The following CTCF variants were observed in gnomAD, a reference collection of about 807,000 sequenced individuals.
CTCF encodes transcriptional repressor CTCF.
CTCF carries 7 observed loss-of-function variants against 72.3 expected under a neutral mutation model. The observed-to-expected ratio is 0.10, with a 90% CI of 0.06 to 0.18. The LOEUF is 0.18. CTCF is among the 10% of genes least tolerant of loss of function. The probability of loss-of-function intolerance (pLI) is 1.00; values close to 1 mark genes in which losing one functional copy is unlikely to be tolerated. For synonymous variants in CTCF, 374 were observed against 315.8 expected (o/e 1.18, Z -1.95); for missense variants, 516 against 949.1 (o/e 0.54, Z 6.00).
intron 6 of CTCF, 73 bp from the exon 7 acceptor site, chr16:67,621,369 C>A: frequency 1.7e-6 from 2 of 1,154,080 alleles, no homozygotes; most frequent in Non-Finnish European, 2.6e-6. Flanking sequence ...TATCTGCCAC[C>A]TGAGTTACCC....
intron 2 of CTCF, among the ~76,000 whole-genome samples, chr16:67,579,027 C>T (rs531670403): frequency 2.7e-5 from 4 of 149,710 alleles, no homozygotes; most frequent in African/African-American, 7.4e-5. Context: ...GGCCAAGGTG[C>T]GTGGATCACC....
chr16:67,628,301 A>G (rs1006587823), intron 8 of CTCF, 69 bp from the exon 9 acceptor site: 4 of 1,467,690 alleles, frequency 2.7e-6, no homozygotes, highest in South Asian at 2.4e-5. Context: ...GGCCACATGC[A>G]TGCAGGTGGC....
chr16:67,598,012 T>C (rs1385344055), intron 2 of CTCF, among the ~76,000 whole-genome samples: 1 of 152,158 alleles, frequency 6.6e-6, no homozygotes, highest in Non-Finnish European at 1.5e-5. Flanking sequence ...TGTCTCACTT[T>C]ATTGCCCAGG....
At chr16:67,586,743 A>G (rs899405796) in intron 2 of CTCF, among the ~76,000 whole-genome samples, 65 of 151,988 alleles carry the variant, frequency 4.3e-4, no homozygotes, top group African/African-American at 1.5e-3. Flanking sequence ...CTTCATAGCT[A>G]TTCAGTAATG....
Position 67,629,514 on chromosome 16 carries a change from A to G in CTCF, c.1818A>G (p.Lys606=), listed in dbSNP as rs751533979. 3.2e-5 allele frequency: 51 copies of G among 1,613,332 alleles called. No individual in the cohort carries two copies. Among genetic ancestry groups the G allele is most frequent in the South Asian group, 1.9e-4 (17 of 90,862 alleles). ...GAAAAAGAAAGATGCGCTCTAAGAAAGAAGATTCCTCTGACAGTGGTAAGT... is the reference window on the plus strand; with the variant it reads ...GAAAAAGAAAGATGCGCTCTAAGAAGGAAGATTCCTCTGACAGTGGTAAGT... ...RGRKRKMRSK[K]EDSSDSENAE... The change falls in exon 10 of 12, where the codon AAA becomes AAG. Residue 606 remains lysine, a synonymous_variant. Coordinates refer to ENST00000264010, the MANE Select transcript of CTCF (RefSeq NM_006565.4).
At chr16:67,571,543 G>A (rs1176848658) in intron 2 of CTCF, among the ~76,000 whole-genome samples, 1 of 152,150 alleles carries the variant, frequency 6.6e-6, no homozygotes, top group East Asian at 1.9e-4. Context: ...CCGTTAATGA[G>A]AATGTGTTTT....
chr16:67,632,060 C>A (rs139952023), intron 10 of CTCF, among the ~76,000 whole-genome samples: 4,379 of 143,592 alleles, frequency 0.03, 101 homozygotes, highest in South Asian at 0.055. Flanking sequence ...GGTAACAGAG[C>A]GAGACCCTGT....
intron 4 of CTCF, among the ~76,000 whole-genome samples, chr16:67,612,748 C>G (rs571376377): frequency 1.6e-4 from 24 of 151,514 alleles, no homozygotes; most frequent in Non-Finnish European, 3.5e-4. Context: ...GCCTGGCCAA[C>G]GTGACAAAAT....
chr16:67,625,924 A>G lies in CTCF; in HGVS notation c.1358-631A>G, dbSNP rs2052279409. ...ACCTGGTTTTCCAGGCCTGATACCTACTTTATTCTTCACTCTCTACAGTCA... is the reference window on the plus strand; with the variant it reads ...ACCTGGTTTTCCAGGCCTGATACCTGCTTTATTCTTCACTCTCTACAGTCA... On this transcript the variant is annotated intron_variant, in intron 7 of 11. Transcript: ENST00000264010. Among the ~76,000 whole-genome samples, 5 of 150,014 alleles carry G rather than the reference A, an allele frequency of 3.3e-5. No homozygotes were observed. The South Asian group carries it at 1.0e-3, about 31-fold the overall frequency.
rs1231938228 is a variant in CTCF, at chr16:67,597,424, C to T, written c.-9-13400C>T. On this transcript the variant is annotated intron_variant, in intron 2 of 11. Coordinates refer to ENST00000264010, the MANE Select transcript of CTCF (RefSeq NM_006565.4). ...GCGTGATCTTGACGCACTACAACCT[C>T]CACCTCCTGGGTTCAAGCAGTTGTC... 2.0e-5 allele frequency among the ~76,000 whole-genome samples: 3 copies of T among 152,078 alleles called. No homozygotes were observed. In the East Asian group the frequency reaches 5.8e-4, roughly 29 times the overall value.
At chr16:67,604,591 T>C (rs1697243957) in intron 2 of CTCF, among the ~76,000 whole-genome samples, 1 of 152,128 alleles carries the variant, frequency 6.6e-6, no homozygotes, top group Admixed American at 6.6e-5. Flanking sequence ...TCCACCTGCC[T>C]TGGCCTCCCA....
chr16:67,634,049 C>T (rs1233629896), intron 10 of CTCF, among the ~76,000 whole-genome samples: 1 of 152,192 alleles, frequency 6.6e-6, no homozygotes, highest in African/African-American at 2.4e-5. Flanking sequence ...CGATTTGCTT[C>T]ATTCTGCTGT....
In CTCF at chr16:67,624,071, A is replaced by ATGTGTGTGTGTG. The variant is rs58387336; in HGVS notation, c.1358-2450_1358-2439dup. Among the ~76,000 whole-genome samples, 294 of 117,566 alleles carry ATGTGTGTGTGTG rather than the reference A, an allele frequency of 2.5e-3. 1 individual carries two copies. The highest frequency in any genetic ancestry group is 4.1e-3 in the Admixed American group (42 of 10,308). The allele number at this position is 117,566 out of a possible 152,430, so 77.1% of individuals were successfully genotyped here. On this transcript the variant is annotated intron_variant, in intron 7 of 11. Coordinates refer to ENST00000264010, the MANE Select transcript of CTCF (RefSeq NM_006565.4). ...TCAAAAAAAAAAAAAAAAATTATAT[A>ATGTGTGTGTGTG]TGTGTGTGTGTGTGTGTGTGTGTGT...
At chr16:67,601,142 A>T (rs1427151328) in intron 2 of CTCF, among the ~76,000 whole-genome samples, 5 of 151,908 alleles carry the variant, frequency 3.3e-5, no homozygotes. Flanking sequence ...TTACTTATTG[A>T]TTCAGAGGAG....
In CTCF at chr16:67,611,602, T is replaced by G; in HGVS notation, c.770T>G (p.Ile257Ser). The G allele has an allele frequency of 6.2e-7, 1 of 1,608,154 alleles. No individual in the cohort carries two copies. Among genetic ancestry groups the G allele is most frequent in the Non-Finnish European group, 8.5e-7 (1 of 1,178,422 alleles). The stretch of plus-strand genomic sequence containing the variant: ...ATGAAGCCTCCAAAGCCAACAAAAA[T>G]TAAAAAGAAAGGTAAAACGAGTTTA... ...GNMKPPKPTK[I>S]KKKGVKKTFQ... The change falls in exon 3 of 12, where the codon ATT becomes AGT. Residue 257 changes from isoleucine to serine, a missense_variant. Ile to Ser is a moderately radical substitution (Grantham distance 142). Transcript: ENST00000264010.
chr16:67,620,270 G>A (rs1242868638), intron 5 of CTCF, among the ~76,000 whole-genome samples: 2 of 152,124 alleles, frequency 1.3e-5, no homozygotes, highest in Middle Eastern at 3.4e-3. Flanking sequence ...GCACGATCTC[G>A]GGTCACTGCA....
At chr16:67,630,070 C>A (rs1269001191) in intron 10 of CTCF, among the ~76,000 whole-genome samples, 1 of 151,894 alleles carries the variant, frequency 6.6e-6, no homozygotes, top group Admixed American at 6.6e-5. Context: ...GCCACTGCGC[C>A]CGGCCATTAT....
intron 8 of CTCF, 125 bp from the exon 9 acceptor site, chr16:67,628,245 C>G: frequency 1.3e-6 from 1 of 774,254 alleles, no homozygotes; most frequent in Non-Finnish European, 2.1e-6. Flanking sequence ...ATCATCTCAA[C>G]AAGCCGTGTG....
At chr16:67,635,557 T>A (rs2052418202) in intron 10 of CTCF, 1 of 152,106 alleles carries the variant, frequency 6.6e-6, no homozygotes. Flanking sequence ...GTGGCGGATC[T>A]CAGCTCACCG....
Sources: gnomAD v4.1 joint callset for allele counts (sites outside exome capture counted in the v4.1 genomes callset) on GRCh38, gnomAD v4.1.1 for gene constraint, MANE v1.5 for transcripts, NCBI Gene and HGNC (gene_info 2026-07-23, HGNC 2026-07-21) for gene names.